Variants in NTN1 observed in about 807,000 individuals in gnomAD.
NTN1 encodes netrin-1.
In NTN1, 11 loss-of-function variants were observed where a neutral mutation model predicts 54.2. The ratio of observed to expected loss-of-function variants is 0.20; its 90% CI spans 0.13 to 0.34. The LOEUF is 0.34. Ranked by LOEUF, NTN1 falls within the 10% of genes least tolerant of loss-of-function variation. NTN1 has a pLI of 1.00. For synonymous variants in NTN1, 371 were observed against 382.0 expected (o/e 0.97, Z 0.33); for missense variants, 740 against 893.1 (o/e 0.83, Z 2.18).
At chr17:9,208,183 G>T (rs999619525) in intron 5 of NTN1, among the ~76,000 whole-genome samples, 4 of 151,724 alleles carry the variant, frequency 2.6e-5, no homozygotes, top group African/African-American at 9.8e-5. Context: ...AGTGAGCTGA[G>T]ATCATGCCAT....
intron 2 of NTN1, among the ~76,000 whole-genome samples, chr17:9,155,398 A>G (rs1170477897): frequency 6.7e-6 from 1 of 148,632 alleles, no homozygotes; most frequent in African/African-American, 2.5e-5. Flanking sequence ...CTGGAGTGCA[A>G]TGGCGTGATC....
At chr17:9,137,822 G>A (rs542597922) in intron 2 of NTN1, among the ~76,000 whole-genome samples, 1 of 152,156 alleles carries the variant, frequency 6.6e-6, no homozygotes, top group Non-Finnish European at 1.5e-5. Context: ...CTGTTGACGG[G>A]CATCTTGGGT....
rs28880948 is a variant in NTN1 at position 9,093,045 on chromosome 17, A to G, written c.1018+69654A>G. On this transcript the variant is annotated intron_variant, in intron 2 of 6. Coordinates refer to ENST00000173229, the MANE Select transcript of NTN1 (RefSeq NM_004822.3). ...AGTGCTGAGATTACAGGCGTGAGCC[A>G]CTGCGCCCAGCCAATTTTTGTGTTT... Among the ~76,000 whole-genome samples the G allele has an allele frequency of 1.6e-4, 24 of 152,312 alleles. 1 individual carries two copies. In the East Asian group the frequency reaches 4.6e-3, roughly 29 times the overall value.
In NTN1 at chr17:9,035,861, A is replaced by C. The variant is rs569667315; in HGVS notation, c.1018+12470A>C. Among the ~76,000 whole-genome samples the C allele has an allele frequency of 1.4e-4, 21 of 152,184 alleles. 1 individual carries two copies. The South Asian group carries it at 4.3e-3, about 32-fold the overall frequency. ...ACATATTGAAACCCCATCTCTACTA[A>C]AAATACAAAAATTAGCCGGGTATGG... On this transcript the variant is annotated intron_variant, in intron 2 of 6. Transcript: ENST00000173229.
chr17:9,007,411 TTCTC>T, the NTN1 span, among the ~76,000 whole-genome samples: 2 of 151,076 alleles, frequency 1.3e-5, no homozygotes, highest in East Asian at 3.9e-4. Context: ...TCTTCTTTTC[TTCTC>T]TCTTTCTTTT....
chr17:9,027,596 G>T (rs771437078), intron 2 of NTN1, among the ~76,000 whole-genome samples: 1 of 152,198 alleles, frequency 6.6e-6, no homozygotes, highest in Non-Finnish European at 1.5e-5. Flanking sequence ...ACAACCTATT[G>T]CTTCTTGCTA....
chr17:9,011,779 G>A, the NTN1 span, among the ~76,000 whole-genome samples: 2 of 152,128 alleles, frequency 1.3e-5, no homozygotes, highest in African/African-American at 4.8e-5. Context: ...TGGTAGAGAT[G>A]GGGTTTCACC....
At chr17:9,003,703 C>T in the NTN1 span, among the ~76,000 whole-genome samples, 1 of 152,040 alleles carries the variant, frequency 6.6e-6, no homozygotes, top group Non-Finnish European at 1.5e-5. The surrounding 1 kb of genome is among the most constrained non-coding windows in gnomAD (Gnocchi z 7.4). Flanking sequence ...GGTGCCCCGG[C>T]CCCGGCGCCT....
intron 2 of NTN1, among the ~76,000 whole-genome samples, chr17:9,062,623 C>T (rs1173328248): frequency 6.6e-6 from 1 of 152,206 alleles, no homozygotes; most frequent in Non-Finnish European, 1.5e-5. Flanking sequence ...ATGAAGTATT[C>T]TGACAGCCTG....
At chr17:9,056,561 C>T (rs1485256126) in intron 2 of NTN1, among the ~76,000 whole-genome samples, 1 of 152,186 alleles carries the variant, frequency 6.6e-6, no homozygotes, top group Non-Finnish European at 1.5e-5. Context: ...TTAGAGACCA[C>T]CAAGTAGGTC....
Position 9,221,071 on chromosome 17 carries a change from T to A in NTN1, c.1412-97T>A. ...CTGGCCCATGGGTATCACAGGCCTC[T>A]GGCTATTTAGGGAGGCGGCCTCCTA... On this transcript the variant is annotated intron_variant, in intron 5 of 6. Transcript: ENST00000173229. The surrounding 1 kb of genome is among the most constrained non-coding windows in gnomAD (Gnocchi z 4.5). The A allele has an allele frequency of 1.1e-6, 1 of 905,606 alleles. No homozygotes were observed. The highest frequency in any genetic ancestry group is 1.9e-6 in the Non-Finnish European group (1 of 539,362). 56.1% of individuals were successfully genotyped at this position (905,606 alleles called of 1,614,324 possible). A position where few individuals can be genotyped will look rare whatever the true frequency, so the allele number is the denominator to read the frequency against.
chr17:9,109,525 A>G (rs903206188), intron 2 of NTN1, among the ~76,000 whole-genome samples: 8 of 152,180 alleles, frequency 5.3e-5, no homozygotes, highest in African/African-American at 1.9e-4. Context: ...CAATGTATCC[A>G]TTTTCTATCA....
intron 2 of NTN1, among the ~76,000 whole-genome samples, chr17:9,065,082 G>A (rs1243706982): frequency 6.6e-6 from 1 of 152,090 alleles, no homozygotes; most frequent in Admixed American, 6.6e-5. Context: ...GATTACAGGT[G>A]TGCACCACCA....
Position 9,212,037 on chromosome 17 carries a change from C to A in NTN1, c.1412-9131C>A, listed in dbSNP as rs534020205. 1.3e-5 allele frequency among the ~76,000 whole-genome samples: 2 copies of A among 152,314 alleles called. No individual in the cohort carries two copies. The highest frequency in any genetic ancestry group is 3.9e-4 in the East Asian group (2 of 5,184). On this transcript the variant is annotated intron_variant, in intron 5 of 6. Transcript: ENST00000173229. The surrounding 1 kb of genome is among the most constrained non-coding windows in gnomAD (Gnocchi z 5.5). ...GATGCTTCATTTGGGGCATCGTTAGCCTTTCTGCCCCCAAGGCCCAAAGTC... is the reference window on the plus strand; with the variant it reads ...GATGCTTCATTTGGGGCATCGTTAGACTTTCTGCCCCCAAGGCCCAAAGTC...
intron 2 of NTN1, among the ~76,000 whole-genome samples, chr17:9,033,496 G>A (rs1249392054): frequency 1.3e-5 from 2 of 152,288 alleles, no homozygotes; most frequent in South Asian, 2.1e-4. Flanking sequence ...TTCTGGCCAG[G>A]CACAGCAGCT....
At position 9,212,350 on chromosome 17, in the gene NTN1, G is replaced by A. The variant is rs953866282; in HGVS notation, c.1412-8818G>A. The stretch of plus-strand genomic sequence containing the variant: ...GTGTCCTCCATTCTCATCATGCCTC[G>A]CGCATGATGGCCCTTATGAAACCCA... On this transcript the variant is annotated intron_variant, in intron 5 of 6. Coordinates refer to ENST00000173229, the MANE Select transcript of NTN1 (RefSeq NM_004822.3). The surrounding 1 kb of genome is among the most constrained non-coding windows in gnomAD (Gnocchi z 5.5). Among the ~76,000 whole-genome samples the A allele has an allele frequency of 6.6e-6, 1 of 152,122 alleles. No homozygotes were observed. The highest frequency in any genetic ancestry group is 1.5e-5 in the Non-Finnish European group (1 of 68,020).
chr17:9,034,563 C>T (rs2091897475), intron 2 of NTN1, among the ~76,000 whole-genome samples: 1 of 151,822 alleles, frequency 6.6e-6, no homozygotes, highest in Non-Finnish European at 1.5e-5. Flanking sequence ...GCTGAGATTA[C>T]AGGCGTGCAC....
Position 9,161,705 on chromosome 17 carries a change from G to A in NTN1, c.1019-1108G>A, listed in dbSNP as rs565897022. Among the ~76,000 whole-genome samples, 7 of 152,276 alleles carry A rather than the reference G, an allele frequency of 4.6e-5. No individual in the cohort carries two copies. The East Asian group carries it at 1.4e-3, about 29-fold the overall frequency. ...AGGCAAGAGAATCGCTTGAACCCGGGAGGCGGAGGTTGCAGTGAGCCGAGA... is the reference window on the plus strand; with the variant it reads ...AGGCAAGAGAATCGCTTGAACCCGGAAGGCGGAGGTTGCAGTGAGCCGAGA... On this transcript the variant is annotated intron_variant, in intron 2 of 6. Coordinates refer to ENST00000173229, the MANE Select transcript of NTN1 (RefSeq NM_004822.3).
At chr17:9,073,864 T>C (rs2092040670) in intron 2 of NTN1, among the ~76,000 whole-genome samples, 2 of 152,222 alleles carry the variant, frequency 1.3e-5, no homozygotes, top group South Asian at 2.1e-4. Context: ...TGGCCCTCTT[T>C]CGCGCAGTGA....
Sources: allele counts gnomAD v4.1 joint callset (sites outside exome capture counted in the v4.1 genomes callset), GRCh38; gene constraint gnomAD v4.1.1; non-coding constraint Gnocchi (gnomAD v3.1); transcripts MANE v1.5; gene names NCBI Gene and HGNC (gene_info 2026-07-23, HGNC 2026-07-21).